KIAA1217: variants seen among roughly 807,000 people sequenced by gnomAD.
KIAA1217 encodes the protein KIAA1217, also known as sickle tail protein homolog.
A neutral mutation model predicts 163.9 loss-of-function variants in KIAA1217; 88 were observed. The observed-to-expected ratio is 0.54, with a 90% confidence interval of 0.45 to 0.64. The LOEUF (loss-of-function observed/expected upper bound fraction) is 0.64, where lower values mean the gene tolerates loss of function less well. KIAA1217 is among the 30% of genes least tolerant of loss of function. The pLI, the probability that KIAA1217 is intolerant of heterozygous loss-of-function variation, is 0.00. For missense variants in KIAA1217, 2,372 were observed against 2,475.0 expected, an observed-to-expected ratio of 0.96 and a Z score of 0.88; for synonymous variants, 903 against 923.1, an observed-to-expected ratio of 0.98 and a Z score of 0.39.
chr10:23,809,435 G>T (rs1332806948), intron 1 of KIAA1217, among the ~76,000 whole-genome samples: 1 of 151,502 alleles, frequency 6.6e-6, no homozygotes, highest in Non-Finnish European at 1.5e-5. Context: ...ATTTGGGAGA[G>T]AAATAAAATA....
chr10:24,412,584 C>T (rs959066790), intron 3 of KIAA1217, among the ~76,000 whole-genome samples: 2 of 152,284 alleles, frequency 1.3e-5, no homozygotes, highest in Admixed American at 1.3e-4. Context: ...AAGACACACC[C>T]GTCTCTTGGC....
chr10:23,875,798 A>G (rs957664445), intron 1 of KIAA1217, among the ~76,000 whole-genome samples: 1 of 152,062 alleles, frequency 6.6e-6, no homozygotes, highest in Non-Finnish European at 1.5e-5. Flanking sequence ...TGTCCTCTGC[A>G]GGGACATGGA....
intron 6 of KIAA1217, among the ~76,000 whole-genome samples, chr10:24,493,284 A>T (rs2066379404): frequency 6.6e-6 from 1 of 152,226 alleles, no homozygotes; most frequent in Non-Finnish European, 1.5e-5. Flanking sequence ...ATCCGCAGTG[A>T]GGAGTGAGGT....
chr10:24,117,812 T>A (rs911641125), intron 2 of KIAA1217, among the ~76,000 whole-genome samples: 1 of 152,150 alleles, frequency 6.6e-6, no homozygotes, highest in Non-Finnish European at 1.5e-5. Flanking sequence ...AGTATCTTCA[T>A]CACATATTTT....
chr10:24,017,902 T>C (rs1387342662), intron 2 of KIAA1217, among the ~76,000 whole-genome samples: 3 of 152,108 alleles, frequency 2.0e-5, no homozygotes, highest in Non-Finnish European at 2.9e-5. Context: ...GCACATCTCA[T>C]TCAGAGTTCA....
At chr10:24,156,326 G>C (rs181990352) in intron 2 of KIAA1217, among the ~76,000 whole-genome samples, 1 of 151,992 alleles carries the variant, frequency 6.6e-6, no homozygotes, top group Non-Finnish European at 1.5e-5. Context: ...TTGAGTAGTA[G>C]CCTATTGTTT....
rs904149643 is a variant in KIAA1217, at chr10:24,064,874, C to G, written c.-171+57500C>G. ...TTCTTCCTGATTTAGTCTTGGGAGACTGTATGTGTCGAGGAATTTATCCAT... is the reference window on the plus strand; with the variant it reads ...TTCTTCCTGATTTAGTCTTGGGAGAGTGTATGTGTCGAGGAATTTATCCAT... On this transcript the variant is annotated intron_variant, in intron 2 of 18. Transcript: ENST00000376462. 1.4e-4 allele frequency among the ~76,000 whole-genome samples: 21 copies of G among 152,108 alleles called. 4 individuals are homozygous for G. Among genetic ancestry groups the G allele is most frequent in the Admixed American group, 9.8e-4 (15 of 15,256 alleles).
At chr10:23,768,566 C>T (rs1310625622) in intron 1 of KIAA1217, among the ~76,000 whole-genome samples, 1 of 152,152 alleles carries the variant, frequency 6.6e-6, no homozygotes, top group Non-Finnish European at 1.5e-5. Flanking sequence ...TTTTACCATT[C>T]AGGAACAAAG....
chr10:24,012,852 A>T (rs921815753), intron 2 of KIAA1217, among the ~76,000 whole-genome samples: 1 of 152,148 alleles, frequency 6.6e-6, no homozygotes, highest in Non-Finnish European at 1.5e-5. Flanking sequence ...TAGAAAATAC[A>T]CCTTTTTATA....
Position 24,546,001 on chromosome 10 carries a change from T to G in KIAA1217, c.5509T>G (p.Ser1837Ala). The G allele has an allele frequency of 6.2e-7, 1 of 1,614,130 alleles. No homozygotes were observed. Among genetic ancestry groups the G allele is most frequent in the Non-Finnish European group, 8.5e-7 (1 of 1,180,020 alleles). ...NPPATKPSIASNPLSPQTGPP... is the reference protein window; with the variant it reads ...NPPATKPSIAANPLSPQTGPP... ...ACCTGCTACTAAACCATCGATTGCT[T>G]CTAACCCTCTCAGCCCCCAAACAGG... Residue 1837 changes from serine (S) to alanine (A), a missense_variant, in exon 21 of 21, where the codon TCT (serine) becomes GCT (alanine). By Grantham distance (99) the Ser-to-Ala change is moderately conservative. Transcript: ENST00000376454.
At chr10:24,486,650 G>A (rs761098276) in intron 6 of KIAA1217, among the ~76,000 whole-genome samples, 4 of 152,112 alleles carry the variant, frequency 2.6e-5, no homozygotes, top group Admixed American at 6.5e-5. Flanking sequence ...CCACAGCCTA[G>A]AACGTTCCTC....
intron 3 of KIAA1217, among the ~76,000 whole-genome samples, chr10:24,404,393 C>G (rs1481213785): frequency 2.0e-5 from 3 of 151,766 alleles, no homozygotes; most frequent in African/African-American, 7.3e-5. Flanking sequence ...ATGGTGAAAC[C>G]CTGTCTCTAC....
At chr10:23,852,588 C>T (rs908974916) in intron 1 of KIAA1217, among the ~76,000 whole-genome samples, 1 of 152,166 alleles carries the variant, frequency 6.6e-6, no homozygotes, top group Non-Finnish European at 1.5e-5. Context: ...GCCATTGAAT[C>T]TGTAAATTAC....
At chr10:24,251,400 C>CAAAAAAAAAAAAAAAAAAAAAAAAAA (rs55668887) in intron 2 of KIAA1217, among the ~76,000 whole-genome samples, 1 of 90,536 alleles carries the variant, frequency 1.1e-5, no homozygotes, top group African/African-American at 4.2e-5. Flanking sequence ...GACACTGTCT[C>CAAAAAAAAAAAAAAAAAAAAAAAAAA]AAAAAAAAAA....
At chr10:23,913,450 G>A (rs1270990650) in intron 1 of KIAA1217, among the ~76,000 whole-genome samples, 1 of 149,362 alleles carries the variant, frequency 6.7e-6, no homozygotes, top group Admixed American at 6.6e-5. Flanking sequence ...CTCCTTTTTT[G>A]TCTTACCTCT....
chr10:23,965,397 G>A lies in KIAA1217; in HGVS notation c.-320-41828G>A, dbSNP rs74676549. On this transcript the variant is annotated intron_variant, in intron 1 of 18. Coordinates refer to the KIAA1217 transcript ENST00000376462. ...GCCTCTTGTTCCTGGGGCCGTCAACGGCAGCAGAATAGAAGGCAGTTTAGT... is the reference window on the plus strand; with the variant it reads ...GCCTCTTGTTCCTGGGGCCGTCAACAGCAGCAGAATAGAAGGCAGTTTAGT... 5.9e-5 allele frequency among the ~76,000 whole-genome samples: 9 copies of A among 152,316 alleles called. No homozygotes were observed. The East Asian group carries it at 1.5e-3, about 26-fold the overall frequency.
intron 1 of KIAA1217, among the ~76,000 whole-genome samples, chr10:23,857,780 A>G (rs1159359349): frequency 6.6e-6 from 1 of 151,562 alleles, no homozygotes; most frequent in East Asian, 1.9e-4. Context: ...GCTATAATAT[A>G]TTAGAAGGAG....
chr10:23,726,200 G>T (rs1324557585), intron 1 of KIAA1217, among the ~76,000 whole-genome samples: 3 of 151,218 alleles, frequency 2.0e-5, no homozygotes, highest in East Asian at 1.9e-4. Context: ...TTTCTTAGTG[G>T]TTACTTTTCT....
At chr10:23,829,013 C>G (rs559057007) in intron 1 of KIAA1217, among the ~76,000 whole-genome samples, 2 of 152,208 alleles carry the variant, frequency 1.3e-5, no homozygotes, top group Non-Finnish European at 2.9e-5. Context: ...TTACTTCTGT[C>G]CTATGACATA....
Sources: gnomAD v4.1 joint callset for allele counts (sites outside exome capture counted in the v4.1 genomes callset) on GRCh38, gnomAD v4.1.1 for gene constraint, MANE v1.5 for transcripts, NCBI Gene and HGNC (gene_info 2026-07-23, HGNC 2026-07-21) for gene names.